Variants in NUDT3 observed in about 807,000 individuals in gnomAD.
NUDT3 encodes diphosphoinositol polyphosphate phosphohydrolase 1.
Under a neutral mutation model 23.6 loss-of-function variants are expected in NUDT3, and 9 were observed. The observed-to-expected ratio is 0.38, with a 90% confidence interval of 0.23 to 0.66. NUDT3 has a LOEUF of 0.66. NUDT3 is among the 30% of genes least tolerant of loss of function. NUDT3 has a pLI of 0.52. For synonymous variants in NUDT3, 86 were observed against 82.6 expected, an observed-to-expected ratio of 1.04 and a Z score of -0.22; for missense variants, 172 against 218.5, an observed-to-expected ratio of 0.79 and a Z score of 1.34.
At position 34,291,305 on chromosome 6, in the gene NUDT3, T is replaced by C. The variant is rs372777089; in HGVS notation, c.340+2146A>G. On this transcript the variant is annotated intron_variant, in intron 4 of 4. Transcript: ENST00000607016. ...GCTATTTTTTTAAAACGTTCCCCGT[T>C]TTTTCTTTCTTTTTAACCTTCTAGG... Among the ~76,000 whole-genome samples the C allele has an allele frequency of 8.0e-4, 121 of 152,126 alleles. 2 individuals carry two copies. The South Asian group carries it at 0.022, about 27-fold the overall frequency.
At chr6:34,390,032 G>C (rs909248451) in intron 1 of NUDT3, among the ~76,000 whole-genome samples, 14 of 151,836 alleles carry the variant, frequency 9.2e-5, no homozygotes, top group Non-Finnish European at 2.1e-4. Context: ...AGCTACTCGG[G>C]AGGCTGAGGC....
At chr6:34,386,590 A>T (rs1474881354) in intron 1 of NUDT3, among the ~76,000 whole-genome samples, 1 of 152,138 alleles carries the variant, frequency 6.6e-6, no homozygotes, top group African/African-American at 2.4e-5. Context: ...GGGGAAAAAA[A>T]AAACCTAGAA....
At position 34,373,299 on chromosome 6, in the gene NUDT3, T is replaced by C. The variant is rs1020920657; in HGVS notation, c.99+18965A>G. On this transcript the variant is annotated intron_variant, in intron 1 of 4. Transcript: ENST00000607016. ...GTCTCAAAAAAAAAAAAAAAGTGTA[T>C]ACAGAATTCAAATTAGGATAAATTG... is the stretch of plus-strand genomic sequence containing the variant. Among the ~76,000 whole-genome samples, 6 of 100,384 alleles carry C rather than the reference T, an allele frequency of 6.0e-5. 1 individual carries two copies. Among genetic ancestry groups the C allele is most frequent in the East Asian group, 1.1e-3 (2 of 1,834 alleles). 65.9% of individuals were successfully genotyped at this position (100,384 alleles called of 152,430 possible).
At chr6:34,367,088 T>A (rs1460911328) in intron 1 of NUDT3, among the ~76,000 whole-genome samples, 1 of 152,072 alleles carries the variant, frequency 6.6e-6, no homozygotes, top group Non-Finnish European at 1.5e-5. Context: ...AGGATTTTGC[T>A]ATGTTGGCAA....
intron 1 of NUDT3, among the ~76,000 whole-genome samples, chr6:34,353,661 C>T (rs755588725): frequency 6.6e-6 from 1 of 151,852 alleles, no homozygotes; most frequent in Non-Finnish European, 1.5e-5. Flanking sequence ...GCCTTGGCCT[C>T]CCAAAGTGCT....
chr6:34,386,160 G>C (rs769172346), intron 1 of NUDT3, among the ~76,000 whole-genome samples: 2 of 152,220 alleles, frequency 1.3e-5, no homozygotes, highest in Non-Finnish European at 2.9e-5. Flanking sequence ...TAACAGCCAA[G>C]CATTCAGTGT....
chr6:34,302,865 G>A (rs1402206330), intron 2 of NUDT3, among the ~76,000 whole-genome samples: 1 of 152,154 alleles, frequency 6.6e-6, no homozygotes, highest in Non-Finnish European at 1.5e-5. Context: ...AATAGCCAAT[G>A]GTCTAGAGAC....
chr6:34,366,470 GGGAA>G (rs1466198144), intron 1 of NUDT3, among the ~76,000 whole-genome samples: 2 of 107,018 alleles, frequency 1.9e-5, no homozygotes, highest in African/African-American at 7.8e-5. Flanking sequence ...AAGAGAGAGA[GGGAA>G]GGGAGGGAGG....
intron 1 of NUDT3, among the ~76,000 whole-genome samples, chr6:34,366,473 A>AAGGGAGGGAGGGAGTGAGGG (rs1764734057): frequency 3.4e-5 from 1 of 29,782 alleles, no homozygotes; most frequent in Non-Finnish European, 6.0e-5. Context: ...AGAGAGAGGG[A>AAGGGAGGGAGGGAGTGAGGG]AGGGAGGGAG....
intron 1 of NUDT3, among the ~76,000 whole-genome samples, chr6:34,350,082 C>G (rs1764443948): frequency 6.7e-6 from 1 of 149,648 alleles, no homozygotes; most frequent in Non-Finnish European, 1.5e-5. Context: ...GAGCGAAACT[C>G]CGTCTCAAAA....
chr6:34,320,768 C>T (rs1763928902), intron 2 of NUDT3, among the ~76,000 whole-genome samples: 1 of 151,802 alleles, frequency 6.6e-6, no homozygotes, highest in Non-Finnish European at 1.5e-5. Context: ...CTCAGGAGGT[C>T]GAGGCTGCAG....
intron 1 of NUDT3, among the ~76,000 whole-genome samples, chr6:34,347,265 C>G (rs533227761): frequency 6.6e-6 from 1 of 152,202 alleles, no homozygotes; most frequent in Non-Finnish European, 1.5e-5. Context: ...ACTCAACAAA[C>G]GTTCATTAAG....
intron 1 of NUDT3, among the ~76,000 whole-genome samples, chr6:34,360,597 C>T (rs1764635277): frequency 6.6e-6 from 1 of 152,072 alleles, no homozygotes; most frequent in Non-Finnish European, 1.5e-5. Context: ...AAAAGATTGT[C>T]TATAATAACT....
intron 1 of NUDT3, among the ~76,000 whole-genome samples, chr6:34,345,663 A>C (rs1231160643): frequency 3.6e-5 from 4 of 112,262 alleles, no homozygotes; most frequent in Admixed American, 1.2e-4. Flanking sequence ...ACTCCGTCCC[A>C]AAAAAAAAAA....
intron 2 of NUDT3, among the ~76,000 whole-genome samples, chr6:34,311,175 T>TA (rs1431221594): frequency 6.6e-6 from 1 of 152,172 alleles, no homozygotes; most frequent in African/African-American, 2.4e-5. Context: ...TTTAATTTTT[T>TA]AAAAATCCAA....
chr6:34,374,328 G>C (rs1764887133), intron 1 of NUDT3, among the ~76,000 whole-genome samples: 1 of 152,074 alleles, frequency 6.6e-6, no homozygotes, highest in African/African-American at 2.4e-5. Flanking sequence ...GACGTGGCTG[G>C]ATAGATCATG....
intron 2 of NUDT3, among the ~76,000 whole-genome samples, chr6:34,316,523 C>T (rs1763860634): frequency 6.6e-6 from 1 of 152,196 alleles, no homozygotes; most frequent in African/African-American, 2.4e-5. Flanking sequence ...GGACTTGCTA[C>T]TTCTAGTATA....
At chr6:34,351,491 T>A (rs548515138) in intron 1 of NUDT3, among the ~76,000 whole-genome samples, 7 of 147,478 alleles carry the variant, frequency 4.7e-5, no homozygotes, top group Non-Finnish European at 3.0e-5. Flanking sequence ...CCTGTAATCC[T>A]AGCACTTTGG....
intron 1 of NUDT3, among the ~76,000 whole-genome samples, chr6:34,353,713 T>C (rs974557849): frequency 6.6e-6 from 1 of 151,916 alleles, no homozygotes; most frequent in African/African-American, 2.4e-5. Flanking sequence ...GCTTTTGTTT[T>C]TGTTTTTAAG....
Sources: gnomAD v4.1 joint callset for allele counts (sites outside exome capture counted in the v4.1 genomes callset) on GRCh38, gnomAD v4.1.1 for gene constraint, MANE v1.5 for transcripts, NCBI Gene and HGNC (gene_info 2026-07-23, HGNC 2026-07-21) for gene names.